The following CDK19 variants were observed in gnomAD, a reference collection of about 807,000 sequenced individuals.
CDK19 encodes the protein cyclin-dependent kinase 19.
In CDK19, 20 loss-of-function variants were observed where a neutral mutation model predicts 68.3. The ratio of observed to expected loss-of-function variants is 0.29; its 90% confidence interval spans 0.21 to 0.43. The LOEUF is 0.43. Ranked by LOEUF, CDK19 falls within the 20% of genes least tolerant of loss-of-function variation. The probability of loss-of-function intolerance (pLI) is 1.00; values close to 1 mark genes in which losing one functional copy is unlikely to be tolerated. For synonymous variants in CDK19, 221 were observed against 222.8 expected (o/e 0.99, Z 0.07); for missense variants, 339 against 623.5 (o/e 0.54, Z 4.86).
intron 1 of CDK19, among the ~76,000 whole-genome samples, chr6:110,776,429 CAA>C (rs56306619): frequency 3.0e-4 from 38 of 126,954 alleles, no homozygotes; most frequent in African/African-American, 3.1e-4. Flanking sequence ...AACTCTGTCT[CAA>C]AAAAAAAAAA....
intron 1 of CDK19, among the ~76,000 whole-genome samples, chr6:110,798,633 A>G (rs907764658): frequency 3.3e-5 from 5 of 151,020 alleles, no homozygotes; most frequent in African/African-American, 1.2e-4. Flanking sequence ...CTCCAGAAAA[A>G]AAAAAAAAAA....
At chr6:110,804,994 T>C (rs747607640) in intron 1 of CDK19, among the ~76,000 whole-genome samples, 1 of 152,058 alleles carries the variant, frequency 6.6e-6, no homozygotes, top group Non-Finnish European at 1.5e-5. Flanking sequence ...TTGAGGACTT[T>C]ACAGGTTTTT....
chr6:110,691,648 A>T lies in CDK19; in HGVS notation c.205-21107T>A, dbSNP rs11967925. Among the ~76,000 whole-genome samples the T allele has an allele frequency of 4.5e-3, 673 of 150,640 alleles. 6 individuals carry two copies. Among genetic ancestry groups the T allele is most frequent in the African/African-American group, 0.015 (599 of 41,140 alleles). ...TATTTTATTTTATTTTATTATTATT[A>T]TTTTTTCTTTTTATTTTGAGATGGA... On this transcript the variant is annotated intron_variant, in intron 2 of 12. Coordinates refer to ENST00000368911, the MANE Select transcript of CDK19 (RefSeq NM_015076.5).
chr6:110,642,956 T>C (rs1780302436), intron 4 of CDK19, among the ~76,000 whole-genome samples: 2 of 152,152 alleles, frequency 1.3e-5, no homozygotes, highest in African/African-American at 2.4e-5. Flanking sequence ...TAACAAACTT[T>C]ACCCTCACTC....
At chr6:110,784,158 CAAAAAAA>C (rs1170140844) in intron 1 of CDK19, among the ~76,000 whole-genome samples, 3 of 61,494 alleles carry the variant, frequency 4.9e-5, no homozygotes, top group Non-Finnish European at 1.0e-4. Context: ...GACTTCGTCT[CAAAAAAA>C]AAAAAAAAAA....
At chr6:110,724,926 C>G (rs2114765125) in intron 2 of CDK19, among the ~76,000 whole-genome samples, 1 of 152,140 alleles carries the variant, frequency 6.6e-6, no homozygotes, top group East Asian at 1.9e-4. Context: ...GGAAGGGTAC[C>G]AGCTATTGGA....
intron 2 of CDK19, among the ~76,000 whole-genome samples, chr6:110,719,985 C>CG (rs1775731399): frequency 1.3e-5 from 1 of 79,998 alleles, no homozygotes; most frequent in Non-Finnish European, 2.5e-5. Context: ...CCCCCCCCCC[C>CG]ACCCCCCCCC....
intron 1 of CDK19, among the ~76,000 whole-genome samples, chr6:110,747,512 T>C (rs1191246809): frequency 6.6e-6 from 1 of 152,182 alleles, no homozygotes; most frequent in Non-Finnish European, 1.5e-5. Context: ...CATATACTAC[T>C]GAGAAAATAC....
At chr6:110,767,291 C>A (rs1779663359) in intron 1 of CDK19, among the ~76,000 whole-genome samples, 1 of 151,718 alleles carries the variant, frequency 6.6e-6, no homozygotes, top group Admixed American at 6.6e-5. Context: ...GGAATAAGTT[C>A]TGGTGTTCCA....
intron 4 of CDK19, among the ~76,000 whole-genome samples, chr6:110,653,852 G>T (rs957127580): frequency 6.6e-5 from 10 of 151,992 alleles, no homozygotes; most frequent in Non-Finnish European, 1.5e-4. Flanking sequence ...TTTTTCACAG[G>T]GTTAAATATA....
upstream of CDK19, chr6:110,815,842 C>G (rs1783609239): frequency 6.6e-6 from 1 of 152,424 alleles, no homozygotes; most frequent in Admixed American, 6.5e-5. Context: ...ACTCGGGAGG[C>G]GAGGGCTGGT....
At chr6:110,640,949 C>T (rs1010640553) in intron 4 of CDK19, among the ~76,000 whole-genome samples, 1 of 151,628 alleles carries the variant, frequency 6.6e-6, no homozygotes, top group African/African-American at 2.4e-5. Context: ...AGAGTGAGAC[C>T]CCGTCTCAAA....
At chr6:110,667,143 C>T (rs945198103) in intron 4 of CDK19, among the ~76,000 whole-genome samples, 1 of 152,106 alleles carries the variant, frequency 6.6e-6, no homozygotes, top group Non-Finnish European at 1.5e-5. Context: ...TTGAAATGTG[C>T]ATGCTTCACA....
Position 110,614,454 on chromosome 6 carries a change from A to C in CDK19, c.*81T>G, listed in dbSNP as rs1357431859. The C allele has an allele frequency of 3.5e-6, 5 of 1,426,290 alleles. No homozygotes were observed. Among genetic ancestry groups the C allele is most frequent in the African/African-American group, 1.4e-5 (1 of 70,450 alleles). The allele number at this position is 1,426,290 out of a possible 1,614,324, so 88.4% of individuals were successfully genotyped here. ...AGTTTTAAATGGCATCATAGTTTGC[A>C]TTTTTTTGGTTCTTTTCAATGCAGA... On this transcript the variant is annotated 3_prime_UTR_variant, in exon 13 of 13. Coordinates refer to ENST00000368911, the MANE Select transcript of CDK19 (RefSeq NM_015076.5).
At chr6:110,731,141 A>G (rs1776727482) in intron 2 of CDK19, among the ~76,000 whole-genome samples, 1 of 151,806 alleles carries the variant, frequency 6.6e-6, no homozygotes, top group Non-Finnish European at 1.5e-5. Flanking sequence ...AAAAGAAAAA[A>G]GAAAAGAAAA....
intron 5 of CDK19, among the ~76,000 whole-genome samples, chr6:110,638,296 A>C (rs1779915356): frequency 1.3e-5 from 2 of 152,182 alleles, no homozygotes; most frequent in Admixed American, 1.3e-4. Context: ...CAGGAAGAGA[A>C]TAGTTGGTAA....
chr6:110,694,138 C>A (rs1488725310), intron 2 of CDK19, among the ~76,000 whole-genome samples: 2 of 149,086 alleles, frequency 1.3e-5, no homozygotes, highest in African/African-American at 4.9e-5. Flanking sequence ...CAGTAACTCA[C>A]ATCTCCATAC....
intron 12 of CDK19, among the ~76,000 whole-genome samples, chr6:110,616,009 A>G (rs1000386613): frequency 1.3e-5 from 2 of 152,050 alleles, no homozygotes; most frequent in Admixed American, 1.3e-4. Context: ...TGCATCCCCA[A>G]CCAAGCAGCA....
intron 1 of CDK19, among the ~76,000 whole-genome samples, chr6:110,764,472 C>A (rs111729745): frequency 8.5e-5 from 13 of 152,194 alleles, no homozygotes; most frequent in African/African-American, 3.1e-4. Flanking sequence ...CTCACATGTT[C>A]GTTGACAAAG....
Sources: allele counts gnomAD v4.1 joint callset (sites outside exome capture counted in the v4.1 genomes callset), GRCh38; gene constraint gnomAD v4.1.1; transcripts MANE v1.5; gene names NCBI Gene and HGNC (gene_info 2026-07-23, HGNC 2026-07-21).